Variants in ATP8B3 observed in about 807,000 individuals in gnomAD.
ATP8B3 encodes the protein phospholipid-transporting ATPase IK.
Under a neutral mutation model 140.9 loss-of-function variants are expected in ATP8B3, and 141 were observed. That is an observed-to-expected ratio of 1.00 (90% CI 0.87 to 1.15). The LOEUF (loss-of-function observed/expected upper bound fraction) is 1.15. Among genes scored for constraint, ATP8B3 ranks in the 50% most tolerant of loss-of-function variants. The pLI, the probability that ATP8B3 is intolerant of heterozygous loss-of-function variation, is 0.00. For synonymous variants in ATP8B3, 765 were observed against 714.6 expected (o/e 1.07, Z -1.13); for missense variants, 1,874 against 1,740.6 (o/e 1.08, Z -1.36).
rs769310995 is a variant in ATP8B3, at chr19:1,785,593, G to A, written c.3269C>T (p.Ser1090Phe). The change falls in exon 26 of 29, where the codon TCT becomes TTT. Residue 1090 changes from serine to phenylalanine, a missense_variant. By Grantham distance (155) the Ser-to-Phe change is radical. Coordinates refer to ENST00000310127, the MANE Select transcript of ATP8B3 (RefSeq NM_138813.4). Reference sequence around the variant, plus strand: ...CAGTGTCATGAAGAAGTTGACCAGAGAGGTGGTCACACCATGGGCGATGGC... The same window carrying A: ...CAGTGTCATGAAGAAGTTGACCAGAAAGGTGGTCACACCATGGGCGATGGC... ...VQAIAHGVTT[S>F]LVNFFMTLWI... 3.1e-6 allele frequency: 5 copies of A among 1,613,266 alleles called. No homozygotes were observed. The South Asian group carries it at 4.4e-5, about 14-fold the overall frequency.
chr19:1,796,345 C>T (rs922066279), intron 16 of ATP8B3, 80 bp from the exon 17 acceptor site: 24 of 1,303,668 alleles, frequency 1.8e-5, no homozygotes, highest in South Asian at 6.9e-5. Context: ...AGATGGGTAT[C>T]GCCTGGGCTA....
At chr19:1,803,896 CAAAA>C (rs56937286) in intron 10 of ATP8B3, among the ~76,000 whole-genome samples, 28 of 72,398 alleles carry the variant, frequency 3.9e-4, no homozygotes, top group Admixed American at 4.9e-4. Context: ...GACTCTGTCT[CAAAA>C]AAAAAAAAAA....
At chr19:1,795,149 G>GGA (rs879434989) in intron 18 of ATP8B3, among the ~76,000 whole-genome samples, 91,580 of 151,306 alleles carry the variant, frequency 0.61, 28,707 homozygotes, top group African/African-American at 0.78. Context: ...CAGCTACTCA[G>GGA]GAGGCTGAGG....
intron 11 of ATP8B3, 25 bp from the exon 12 acceptor site, chr19:1,802,069 A>AGCCC: frequency 9.0e-7 from 1 of 1,112,376 alleles, no homozygotes; most frequent in Non-Finnish European, 1.2e-6. Flanking sequence ...CCATCTATCC[A>AGCCC]CCCACCCACC....
chr19:1,787,119 A>G lies in ATP8B3; in HGVS notation c.3137T>C (p.Ile1046Thr), dbSNP rs1279338051. Residue 1046 changes from isoleucine (I) to threonine (T), a missense_variant, in exon 25 of 29, where the codon ATT becomes ACT. Around this residue, in one of 3 missense-constraint regions of ATP8B3, gnomAD observed 840 missense variants for 760.9 expected, o/e 1.10. Coordinates refer to ENST00000310127, the MANE Select transcript of ATP8B3 (RefSeq NM_138813.4). ...LLYSTLPVLY[I>T]GLFEQDVSAE... ...CCTGCTCACCTGCTCAAAGAGCCCAATGTAGAGAACTGGCAGGGTGCTGTA... is the reference window on the plus strand; with the variant it reads ...CCTGCTCACCTGCTCAAAGAGCCCAGTGTAGAGAACTGGCAGGGTGCTGTA... The G allele has an allele frequency of 3.1e-6, 5 of 1,607,140 alleles. No individual in the cohort carries two copies. The highest frequency in any genetic ancestry group is 2.2e-5 in the South Asian group (2 of 89,778).
Position 1,789,406 on chromosome 19 carries a change from T to C in ATP8B3, c.2800A>G (p.Thr934Ala), listed in dbSNP as rs1369998513. ...ALVKKYHQVV[T>A]LAIGDGANDI... The stretch of plus-strand genomic sequence containing the variant: ...TTGGCACCGTCCCCGATGGCCAGGG[T>C]CACCACCTGGTGGTACTTCTTGACC... Residue 934 changes from threonine (T) to alanine (A), a missense_variant, in exon 23 of 29, where the codon ACC becomes GCC. Physicochemically the swap from Thr to Ala is moderately conservative, Grantham distance 58. Around this residue, in one of 3 missense-constraint regions of ATP8B3, gnomAD observed 840 missense variants for 760.9 expected, o/e 1.10. Coordinates refer to ENST00000310127, the MANE Select transcript of ATP8B3 (RefSeq NM_138813.4). 1.3e-6 allele frequency: 2 copies of C among 1,593,520 alleles called. No individual in the cohort carries two copies. Among genetic ancestry groups the C allele is most frequent in the Non-Finnish European group, 1.7e-6 (2 of 1,174,844 alleles).
chr19:1,793,099 T>C (rs953914210), intron 18 of ATP8B3, among the ~76,000 whole-genome samples: 3 of 148,216 alleles, frequency 2.0e-5, no homozygotes, highest in Non-Finnish European at 4.5e-5. Flanking sequence ...TTTTTTTTTC[T>C]CGGGGGTGGG....
rs1039701586 is a variant in ATP8B3 at position 1,802,663 on chromosome 19, G to A, written c.905-18C>T. On this transcript the variant is annotated intron_variant, in intron 10 of 28. Coordinates refer to ENST00000310127, the MANE Select transcript of ATP8B3 (RefSeq NM_138813.4). ...CACTGTGCCTGTGGGTGGCCAGGTG[G>A]TCAGTGGGTCAGTGGGCTCAGGCCC... The A allele has an allele frequency of 4.4e-6, 7 of 1,598,484 alleles. No homozygotes were observed. The African/African-American group carries it at 5.4e-5, about 12-fold the overall frequency.
chr19:1,789,826 C>A, intron 22 of ATP8B3, 64 bp downstream of exon 22: 1 of 1,593,158 alleles, frequency 6.3e-7, no homozygotes, highest in African/African-American at 1.3e-5. Flanking sequence ...CACCCCGAGC[C>A]CGCCGCCCCT....
At position 1,787,134 on chromosome 19, in the gene ATP8B3, AG is replaced by A; in HGVS notation, c.3121del (p.Leu1041CysfsTer13). The A allele has an allele frequency of 1.2e-6, 2 of 1,610,282 alleles. No individual in the cohort carries two copies. The highest frequency in any genetic ancestry group is 1.7e-6 in the Non-Finnish European group (2 of 1,178,222). On this transcript the variant is annotated frameshift_variant, in exon 25 of 29. Transcript: ENST00000310127. LOFTEE classifies it high-confidence loss of function. Reference protein sequence around the residue: ...LALFNLLYSTLPVLYIGLFEQ... With the variant: ...LALFNLLYSTXPVLYIGLFEQ... ...AAAGAGCCCAATGTAGAGAACTGGC[AG>A]GGTGCTGTACAGGAGGTTGAAAAGA... is the stretch of plus-strand genomic sequence containing the variant.
rs1381954675 is a variant in ATP8B3 at position 1,805,204 on chromosome 19, G to A, written c.904+170C>T. 4.3e-6 allele frequency: 3 copies of A among 694,014 alleles called. No individual in the cohort carries two copies. The highest frequency in any genetic ancestry group is 1.5e-5 in the South Asian group (1 of 66,126). The allele number at this position is 694,014 out of a possible 1,614,324, so 43.0% of individuals were successfully genotyped here. ...TGTCCAGGCTGGTCTTGAATTCCTG[G>A]GCTGAAGTGATTCTCCTGCCTCAGC... On this transcript the variant is annotated intron_variant, in intron 10 of 28. Coordinates refer to ENST00000310127, the MANE Select transcript of ATP8B3 (RefSeq NM_138813.4). The surrounding 1 kb of genome is among the most constrained non-coding windows in gnomAD (Gnocchi z 5.2).
In ATP8B3 at chr19:1,796,960, C is replaced by T. The variant is rs554474609; in HGVS notation, c.1584+14G>A. 8.3e-5 allele frequency: 134 copies of T among 1,612,772 alleles called. No homozygotes were observed. Among genetic ancestry groups the T allele is most frequent in the Non-Finnish European group, 1.1e-4 (130 of 1,179,772 alleles). ...CCCCCTCACCGTCCCGCGCTGCAAG[C>T]CAGGCAGGCTCACCTTAGGTCGGGT... On this transcript the variant is annotated intron_variant, in intron 15 of 28. Transcript: ENST00000310127.
At position 1,796,729 on chromosome 19, in the gene ATP8B3, T is replaced by C. The variant is rs763663335; in HGVS notation, c.1735A>G (p.Ser579Gly). ...AICHTVMVRE[S>G]PRERPDQLLY... ...GGCGCACCTGGGCGCTCACGGGGGC[T>C]CTCCCGCACCATCACCGTGTGGCAG... is the stretch of plus-strand genomic sequence containing the variant. The change falls in exon 16 of 29, where the codon AGC becomes GGC. Residue 579 changes from serine to glycine, a missense_variant. Physicochemically the swap from Ser to Gly is moderately conservative, Grantham distance 56 (BLOSUM62 0). This residue lies in a region of ATP8B3 where 1,032 missense variants were observed against 963.6 expected (regional missense o/e 1.07). Transcript: ENST00000310127. 12 of 1,610,918 alleles carry C rather than the reference T, an allele frequency of 7.4e-6. No individual in the cohort carries two copies. The highest frequency in any genetic ancestry group is 1.0e-5 in the Non-Finnish European group (12 of 1,179,346).
At position 1,805,465 on chromosome 19, in the gene ATP8B3, G is replaced by T. The variant is rs371244758; in HGVS notation, c.822-9C>A. On this transcript the variant is annotated splice_polypyrimidine_tract_variant and intron_variant, in intron 9 of 28. Transcript: ENST00000310127. This position sits in a 1 kb window ranked among gnomAD's most constrained non-coding sequence, Gnocchi z 5.2. ...ACTTCAAGTTGGTCTCCCTGGTGAC[G>T]AGGAGAGGAGGGAGGTGAAAGTGGA... 6.4e-7 allele frequency: 1 copy of T among 1,553,634 alleles called. No individual in the cohort carries two copies.
At chr19:1,795,565 A>G (rs1369939693) in intron 18 of ATP8B3, among the ~76,000 whole-genome samples, 1 of 152,094 alleles carries the variant, frequency 6.6e-6, no homozygotes, top group Non-Finnish European at 1.5e-5. Flanking sequence ...AAAAGAAAAG[A>G]AAGACAAGAC....
At chr19:1,796,396 C>G in intron 16 of ATP8B3, 131 bp from the exon 17 acceptor site, 1 of 912,840 alleles carries the variant, frequency 1.1e-6, no homozygotes, top group Non-Finnish European at 1.6e-6. Context: ...GCCTGTACAA[C>G]CCAATGCATG....
intron 4 of ATP8B3, 75 bp from the exon 5 acceptor site, chr19:1,808,410 C>A (rs975562224): frequency 1.8e-6 from 2 of 1,120,242 alleles, no homozygotes; most frequent in African/African-American, 1.5e-5. Flanking sequence ...CGAGGCCAGA[C>A]CTGCCTCACT....
rs2068797867 is a variant in ATP8B3, at chr19:1,800,135, C to G, written c.1364G>C (p.Gly455Ala). ...MFILSEFIYL[G>A]NSVFIDWDVQ... is the part of the protein sequence containing the mutation. ...GTCCCAGTCGATGAAGACGCTGTTCCCCAGGTAGATGAACTCGGACCTGCA... is the reference window on the plus strand; with the variant it reads ...GTCCCAGTCGATGAAGACGCTGTTCGCCAGGTAGATGAACTCGGACCTGCA... Residue 455 changes from glycine to alanine, a missense_variant, in exon 14 of 29, where the codon GGG (glycine) becomes GCG (alanine). Around this residue, in one of 3 missense-constraint regions of ATP8B3, gnomAD observed 1,032 missense variants for 963.6 expected, o/e 1.07. Coordinates refer to ENST00000310127, the MANE Select transcript of ATP8B3 (RefSeq NM_138813.4). The surrounding 1 kb of genome is among the most constrained non-coding windows in gnomAD (Gnocchi z 4.4). The G allele has an allele frequency of 6.4e-7, 1 of 1,559,062 alleles. No individual in the cohort carries two copies. Among genetic ancestry groups the G allele is most frequent in the Non-Finnish European group, 8.7e-7 (1 of 1,151,156 alleles).
At position 1,790,739 on chromosome 19, in the gene ATP8B3, C is replaced by T. The variant is rs2068479407; in HGVS notation, c.2378+18G>A. The stretch of plus-strand genomic sequence containing the variant: ...CTCCCCACTCCCCTTGCTCACCCCC[C>T]AACTCCCCACTTCTTACCTAATCTC... On this transcript the variant is annotated intron_variant, in intron 21 of 28. Transcript: ENST00000310127. 4 of 1,585,812 alleles carry T rather than the reference C, an allele frequency of 2.5e-6. No individual in the cohort carries two copies. Among genetic ancestry groups the T allele is most frequent in the Admixed American group, 1.8e-5 (1 of 56,826 alleles).
Sources: allele counts gnomAD v4.1 joint callset (sites outside exome capture counted in the v4.1 genomes callset), GRCh38; gene constraint gnomAD v4.1.1; regional missense constraint gnomAD v4.1.1; non-coding constraint Gnocchi (gnomAD v3.1); transcripts MANE v1.5; gene names NCBI Gene and HGNC (gene_info 2026-07-23, HGNC 2026-07-21).